CSMD1: variants seen among roughly 807,000 people sequenced by gnomAD.
CSMD1 encodes the protein CUB and Sushi multiple domains 1.
A neutral mutation model predicts 417.5 loss-of-function variants in CSMD1; 213 were observed. The observed-to-expected ratio is 0.51, with a 90% CI of 0.46 to 0.57. The LOEUF (loss-of-function observed/expected upper bound fraction) is 0.57, where lower values mean the gene tolerates loss of function less well. Ranked by LOEUF, CSMD1 falls within the 20% of genes least tolerant of loss-of-function variation. The pLI, the probability that CSMD1 is intolerant of heterozygous loss-of-function variation, is 0.00. For missense variants in CSMD1, 6,923 were observed against 4,529.7 expected, an observed-to-expected ratio of 1.53 and a Z score of -15.17; for synonymous variants, 2,862 against 1,736.8, an observed-to-expected ratio of 1.65 and a Z score of -16.11.
chr8:3,087,313 TAAGTC>T, intron 48 of CSMD1, 28 bp from the exon 49 acceptor site: 1 of 1,606,696 alleles, frequency 6.2e-7, no homozygotes, highest in South Asian at 1.1e-5. Context: ...CACACAGAAA[TAAGTC>T]AACAAGCAAA....
chr8:4,279,749 G>GA (rs1302048136), intron 3 of CSMD1, among the ~76,000 whole-genome samples: 1 of 151,948 alleles, frequency 6.6e-6, no homozygotes, highest in Admixed American at 6.6e-5. Flanking sequence ...TTCTAATGAA[G>GA]AAAAAAAATA....
chr8:4,604,648 G>C (rs1212468493), intron 2 of CSMD1, among the ~76,000 whole-genome samples: 1 of 152,074 alleles, frequency 6.6e-6, no homozygotes, highest in Admixed American at 6.6e-5. Context: ...AATGGAATCA[G>C]AACATCACCA....
rs1478205071 is a variant in CSMD1, at chr8:3,289,299, G to C, written c.3951-4953C>G. Among the ~76,000 whole-genome samples, 23 of 147,110 alleles carry C rather than the reference G, an allele frequency of 1.6e-4. 1 individual carries two copies. Among genetic ancestry groups the C allele is most frequent in the Non-Finnish European group, 2.6e-4 (18 of 68,026 alleles). ...CCGCTATAAACATACGTGTGCATGT[G>C]TCTTTATAGCAGCATGATTTATAAT... On this transcript the variant is annotated intron_variant, in intron 25 of 69. Transcript: ENST00000635120.
At chr8:3,195,129 C>T (rs1197802920) in intron 33 of CSMD1, among the ~76,000 whole-genome samples, 2 of 152,074 alleles carry the variant, frequency 1.3e-5, no homozygotes, top group Non-Finnish European at 1.5e-5. Flanking sequence ...CAGAAATAGG[C>T]CTTTTATGAA....
chr8:4,017,109 C>A (rs1312813230), intron 4 of CSMD1, among the ~76,000 whole-genome samples: 3 of 152,212 alleles, frequency 2.0e-5, no homozygotes, highest in Non-Finnish European at 4.4e-5. Context: ...GTTCAGCCAG[C>A]CTTGCTGGAC....
chr8:3,058,069 C>T (rs1812355190), intron 49 of CSMD1, among the ~76,000 whole-genome samples: 1 of 152,128 alleles, frequency 6.6e-6, no homozygotes, highest in Non-Finnish European at 1.5e-5. Flanking sequence ...AAATATTCTT[C>T]TTATTCTGCA....
chr8:4,698,014 G>T (rs938964706), intron 1 of CSMD1, among the ~76,000 whole-genome samples: 1 of 151,968 alleles, frequency 6.6e-6, no homozygotes, highest in African/African-American at 2.4e-5. Context: ...CACTTAATAT[G>T]TCCATAGAGA....
intron 1 of CSMD1, among the ~76,000 whole-genome samples, chr8:4,679,025 A>G (rs910536051): frequency 1.3e-5 from 2 of 152,178 alleles, no homozygotes; most frequent in Admixed American, 1.3e-4. Flanking sequence ...CCTGCCCAAG[A>G]TGGTTCATTG....
intron 9 of CSMD1, among the ~76,000 whole-genome samples, chr8:3,576,114 A>C (rs531536571): frequency 7.9e-5 from 12 of 152,204 alleles, no homozygotes; most frequent in East Asian, 1.9e-4. Flanking sequence ...TCTTCAAGTC[A>C]GTTATTATTC....
At chr8:3,308,575 A>C in intron 23 of CSMD1, 72 bp from the exon 24 acceptor site, 1 of 1,263,780 alleles carries the variant, frequency 7.9e-7, no homozygotes. Context: ...AGATGAAACA[A>C]ACAAGGTTGC....
chr8:4,195,833 G>A (rs890275006), intron 3 of CSMD1, among the ~76,000 whole-genome samples: 2 of 152,136 alleles, frequency 1.3e-5, no homozygotes, highest in Non-Finnish European at 2.9e-5. Context: ...TAGATGAGGA[G>A]GCAGTGGAAT....
chr8:4,837,545 A>T (rs1800570523), intron 1 of CSMD1, among the ~76,000 whole-genome samples: 1 of 152,178 alleles, frequency 6.6e-6, no homozygotes, highest in Non-Finnish European at 1.5e-5. Context: ...TTATCTGTGG[A>T]ATCTAAAAAT....
chr8:4,847,024 G>C (rs1801184148), intron 1 of CSMD1, among the ~76,000 whole-genome samples: 1 of 151,936 alleles, frequency 6.6e-6, no homozygotes, highest in Admixed American at 6.6e-5. Flanking sequence ...GAAACAACTT[G>C]TGTTTTTAAA....
chr8:4,102,579 A>T (rs1429086643), intron 3 of CSMD1, among the ~76,000 whole-genome samples: 2 of 152,200 alleles, frequency 1.3e-5, no homozygotes, highest in African/African-American at 4.8e-5. Flanking sequence ...CCCAGGCTGA[A>T]ATAATTCAAT....
chr8:3,800,359 GTT>G lies in CSMD1; in HGVS notation c.819-46319_819-46318del, dbSNP rs199881532. Among the ~76,000 whole-genome samples, 1,522 of 152,206 alleles carry G rather than the reference GTT, an allele frequency of 1.0e-2. 19 individuals carry two copies. Among genetic ancestry groups the G allele is most frequent in the Non-Finnish European group, 0.014 (966 of 68,014 alleles). The stretch of plus-strand genomic sequence containing the variant: ...GTCAAAATATTATTGTTCCGGAAGT[GTT>G]TTGAGAAACAAATGAGCTTACACAA... On this transcript the variant is annotated intron_variant, in intron 5 of 69. Coordinates refer to ENST00000635120, the MANE Select transcript of CSMD1 (RefSeq NM_033225.6).
intron 7 of CSMD1, among the ~76,000 whole-genome samples, chr8:3,661,678 G>T (rs1049152114): frequency 6.6e-6 from 1 of 151,992 alleles, no homozygotes; most frequent in Non-Finnish European, 1.5e-5. Context: ...TGTATTTTTA[G>T]TAGAGACGGG....
intron 7 of CSMD1, among the ~76,000 whole-genome samples, chr8:3,667,535 C>G (rs1798761207): frequency 6.6e-6 from 1 of 151,858 alleles, no homozygotes; most frequent in Non-Finnish European, 1.5e-5. Flanking sequence ...GGGATGAGGT[C>G]AGGAAGGACG....
chr8:3,797,768 G>GTGATAAAA (rs1434841085), intron 5 of CSMD1, among the ~76,000 whole-genome samples: 1 of 151,792 alleles, frequency 6.6e-6, no homozygotes, highest in Non-Finnish European at 1.5e-5. Flanking sequence ...TTCATTAAAC[G>GTGATAAAA]TGATAAAACA....
intron 2 of CSMD1, among the ~76,000 whole-genome samples, chr8:4,496,190 T>A (rs755747748): frequency 5.3e-5 from 8 of 152,164 alleles, no homozygotes; most frequent in Non-Finnish European, 1.0e-4. Context: ...TTAAATTCCA[T>A]GTTTATCCTG....
Sources: gnomAD v4.1 joint callset for allele counts (sites outside exome capture counted in the v4.1 genomes callset) on GRCh38, gnomAD v4.1.1 for gene constraint, MANE v1.5 for transcripts, NCBI Gene and HGNC (gene_info 2026-07-23, HGNC 2026-07-21) for gene names.